The following CCDC93 variants were observed in gnomAD, a reference collection of about 807,000 sequenced individuals.
CCDC93 encodes CCC complex scaffolding subunit CCDC93.
A neutral mutation model predicts 108.2 loss-of-function variants in CCDC93; 61 were observed. The observed-to-expected ratio is 0.56, with a 90% CI of 0.46 to 0.70. CCDC93 has a LOEUF of 0.70. CCDC93 is among the 30% of genes least tolerant of loss of function. The pLI is 0.00. For synonymous variants in CCDC93, 276 were observed against 260.4 expected, an observed-to-expected ratio of 1.06 and a Z score of -0.58; for missense variants, 685 against 764.2, an observed-to-expected ratio of 0.90 and a Z score of 1.22.
intron 23 of CCDC93, among the ~76,000 whole-genome samples, chr2:117,927,280 C>T (rs978553570): frequency 6.6e-6 from 1 of 151,954 alleles, no homozygotes; most frequent in South Asian, 2.1e-4. Flanking sequence ...GGCAATCAAG[C>T]AGGAGAAGGA....
intron 1 of CCDC93, 156 bp from the exon 2 acceptor site, chr2:118,008,814 G>C (rs1008807261): frequency 1.7e-5 from 10 of 602,110 alleles, no homozygotes; most frequent in Non-Finnish European, 3.0e-5. Flanking sequence ...GTGTCACACA[G>C]AAGTATGTGG....
intron 12 of CCDC93, 35 bp from the exon 13 acceptor site, chr2:117,952,470 T>G: frequency 2.1e-6 from 3 of 1,424,054 alleles, no homozygotes; most frequent in Non-Finnish European, 2.0e-6. Context: ...ATGCTCTCAT[T>G]TGATCCTTAT....
intron 23 of CCDC93, among the ~76,000 whole-genome samples, chr2:117,929,460 A>T (rs1372554809): frequency 6.6e-6 from 1 of 152,146 alleles, no homozygotes; most frequent in Non-Finnish European, 1.5e-5. Flanking sequence ...CCTCTGAAGG[A>T]ACTGGTGCCT....
At chr2:117,930,823 C>A in intron 23 of CCDC93, 1 of 462,248 alleles carries the variant, frequency 2.2e-6, no homozygotes, top group Non-Finnish European at 3.8e-6. Context: ...GATGTGATGT[C>A]TTAAAACATT....
intron 11 of CCDC93, among the ~76,000 whole-genome samples, chr2:117,971,236 G>A (rs1443101273): frequency 6.6e-6 from 1 of 151,886 alleles, no homozygotes; most frequent in African/African-American, 2.4e-5. Flanking sequence ...GGTGGTATGC[G>A]CCTGCAGTCC....
chr2:118,013,866 C>T (rs902750464), intron 1 of CCDC93, 88 bp downstream of exon 1: 32 of 1,213,784 alleles, frequency 2.6e-5, no homozygotes, highest in Non-Finnish European at 3.5e-5. Context: ...GCCCCTAACG[C>T]ACCCAGGGCC....
intron 9 of CCDC93, 27 bp from the exon 10 acceptor site, chr2:117,974,927 A>G: frequency 1.9e-6 from 3 of 1,552,452 alleles, no homozygotes; most frequent in Non-Finnish European, 2.6e-6. Flanking sequence ...AGGGAGCAGC[A>G]GTGAGTGGTT....
At chr2:117,950,960 G>A in intron 13 of CCDC93, 1 of 985,334 alleles carries the variant, frequency 1.0e-6, no homozygotes, top group Non-Finnish European at 1.2e-6. Flanking sequence ...GTTGGCTGCT[G>A]TTTTCATTTG....
At chr2:117,950,737 A>T in intron 13 of CCDC93, 1 of 985,414 alleles carries the variant, frequency 1.0e-6, no homozygotes, top group East Asian at 1.1e-4. Flanking sequence ...AAGCTTCTTC[A>T]GAAGTTGTTC....
chr2:117,952,568 C>A, intron 12 of CCDC93, 133 bp from the exon 13 acceptor site: 1 of 672,466 alleles, frequency 1.5e-6, no homozygotes, highest in Non-Finnish European at 2.6e-6. Flanking sequence ...AAAAGGGTTG[C>A]CAACAACAAA....
At chr2:118,002,657 G>A (rs980789636) in intron 3 of CCDC93, among the ~76,000 whole-genome samples, 6 of 152,130 alleles carry the variant, frequency 3.9e-5, no homozygotes, top group African/African-American at 7.2e-5. Context: ...CCTCCTAGGA[G>A]GGAAGCATAT....
Position 117,944,041 on chromosome 2 carries a change from T to C in CCDC93, c.1396A>G (p.Lys466Glu). Residue 466 changes from lysine to glutamate, a missense_variant, in exon 18 of 24, where the codon AAG (lysine) becomes GAG (glutamate). Transcript: ENST00000376300. The part of the protein sequence containing the change: ...RYNMEKEKLY[K>E]IRLLQARRNR... ...TTACTCACCTGTAGTAAACGTATCT[T>C]GTAAAGTTTCTCTTTCTCCATATTA... 2 of 1,606,322 alleles carry C rather than the reference T, an allele frequency of 1.2e-6. No homozygotes were observed. Among genetic ancestry groups the C allele is most frequent in the Non-Finnish European group, 1.7e-6 (2 of 1,176,968 alleles).
chr2:117,926,814 C>A (rs537059766), intron 23 of CCDC93, among the ~76,000 whole-genome samples: 107 of 151,894 alleles, frequency 7.0e-4, no homozygotes, highest in African/African-American at 2.5e-3. Context: ...GAGACACAAC[C>A]AAAAAAGAGA....
intron 12 of CCDC93, among the ~76,000 whole-genome samples, chr2:117,957,045 C>T (rs1679244668): frequency 6.6e-6 from 1 of 152,094 alleles, no homozygotes; most frequent in Admixed American, 6.5e-5. Context: ...CAGGCGCCAC[C>T]ATGCCCAGCT....
chr2:117,944,952 TGGCAAACTAC>T (rs996044180), intron 17 of CCDC93, among the ~76,000 whole-genome samples: 27 of 152,336 alleles, frequency 1.8e-4, no homozygotes, highest in African/African-American at 5.5e-4. Flanking sequence ...CAGAAGTGGG[TGGCAAACTAC>T]AGCCTGTGAG....
At chr2:117,993,219 AC>A (rs1425352980) in intron 6 of CCDC93, among the ~76,000 whole-genome samples, 1 of 151,900 alleles carries the variant, frequency 6.6e-6, no homozygotes, top group Non-Finnish European at 1.5e-5. Flanking sequence ...ACACGGTGAA[AC>A]CCCATCTCTA....
At chr2:117,973,370 G>A (rs1018476226) in intron 11 of CCDC93, among the ~76,000 whole-genome samples, 31 of 148,346 alleles carry the variant, frequency 2.1e-4, no homozygotes, top group African/African-American at 5.2e-4. Context: ...ATTAATCACC[G>A]TCTCCCTGAA....
At position 117,917,806 on chromosome 2, in the gene CCDC93, C is replaced by T. The variant is rs1039189190; in HGVS notation, c.*2537G>A. The T allele has an allele frequency of 6.6e-6, 1 of 152,280 alleles. No homozygotes were observed. The highest frequency in any genetic ancestry group is 2.4e-5 in the African/African-American group (1 of 41,440). 9.4% of individuals were successfully genotyped at this position (152,280 alleles called of 1,614,324 possible). ...TTAAAGCAGAGCAGTCCCATGTACT[C>T]CATAAGAAGCAAGAAGTGGGAGGGA... is the stretch of plus-strand genomic sequence containing the variant. On this transcript the variant is annotated 3_prime_UTR_variant, in exon 24 of 24. Coordinates refer to ENST00000376300, the MANE Select transcript of CCDC93 (RefSeq NM_019044.5).
chr2:117,954,510 T>C (rs963253267), intron 12 of CCDC93, among the ~76,000 whole-genome samples: 5 of 152,202 alleles, frequency 3.3e-5, no homozygotes, highest in Non-Finnish European at 5.9e-5. Context: ...TTAGTTTTTA[T>C]CTTGCTGGAG....
Sources: allele counts gnomAD v4.1 joint callset (sites outside exome capture counted in the v4.1 genomes callset), GRCh38; gene constraint gnomAD v4.1.1; transcripts MANE v1.5; gene names NCBI Gene and HGNC (gene_info 2026-07-23, HGNC 2026-07-21).